Variants in UBE2E2 observed in about 807,000 individuals in gnomAD.
UBE2E2 encodes the protein ubiquitin-conjugating enzyme E2 E2.
In UBE2E2, 6 loss-of-function variants were observed where a neutral mutation model predicts 24.7. The ratio of observed to expected loss-of-function variants is 0.24; its 90% CI spans 0.13 to 0.48. The LOEUF (loss-of-function observed/expected upper bound fraction) is 0.48, where lower values mean the gene tolerates loss of function less well. Ranked by LOEUF, UBE2E2 falls within the 20% of genes least tolerant of loss-of-function variation. The pLI, the probability that UBE2E2 is intolerant of heterozygous loss-of-function variation, is 0.99. For synonymous variants in UBE2E2, 104 were observed against 83.6 expected (o/e 1.24, Z -1.33); for missense variants, 169 against 245.0 (o/e 0.69, Z 2.07).
chr3:23,347,200 T>G lies in UBE2E2; in HGVS notation c.227+129888T>G, dbSNP rs1695582331. ...ACATTTGACCCAGCCATCCCATTAC[T>G]GGGTGTATACCCAAAGGATTATAAA... is the stretch of plus-strand genomic sequence containing the variant. On this transcript the variant is annotated intron_variant, in intron 3 of 5. Coordinates refer to ENST00000396703, the MANE Select transcript of UBE2E2 (RefSeq NM_152653.4). 5.9e-5 allele frequency among the ~76,000 whole-genome samples: 9 copies of G among 152,358 alleles called. No homozygotes were observed. In the South Asian group the frequency reaches 1.9e-3, roughly 32 times the overall value.
intron 3 of UBE2E2, among the ~76,000 whole-genome samples, chr3:23,345,570 T>C (rs1389664755): frequency 1.3e-5 from 2 of 152,116 alleles, no homozygotes; most frequent in African/African-American, 2.4e-5. Context: ...CTTAACACAA[T>C]AGCATTGACA....
chr3:23,310,862 G>T (rs1448265818), intron 3 of UBE2E2, among the ~76,000 whole-genome samples: 1 of 152,044 alleles, frequency 6.6e-6, no homozygotes, highest in African/African-American at 2.4e-5. Flanking sequence ...TGTGTAGCAT[G>T]ATTTTTTTTT....
At chr3:23,472,327 A>G (rs190669182) in intron 3 of UBE2E2, among the ~76,000 whole-genome samples, 2 of 152,364 alleles carry the variant, frequency 1.3e-5, no homozygotes, top group Non-Finnish European at 2.9e-5. Context: ...TCAGACAACC[A>G]AAATGAAAAA....
chr3:23,300,226 A>ACT (rs1699032654), intron 3 of UBE2E2, among the ~76,000 whole-genome samples: 1 of 151,706 alleles, frequency 6.6e-6, no homozygotes, highest in Non-Finnish European at 1.5e-5. Context: ...GTGGGTCTTG[A>ACT]CTCTTTATCC....
At chr3:23,571,842 GGGGA>G (rs1696240040) in intron 5 of UBE2E2, among the ~76,000 whole-genome samples, 1 of 152,202 alleles carries the variant, frequency 6.6e-6, no homozygotes. Context: ...ATCTTTTGGA[GGGGA>G]GGGTGTGGAG....
At chr3:23,553,312 TA>T (rs76300474) in intron 5 of UBE2E2, among the ~76,000 whole-genome samples, 32,382 of 148,492 alleles carry the variant, frequency 0.22, 3,577 homozygotes, top group Middle Eastern at 0.26. Context: ...TTATGACCTC[TA>T]AAAAAAAAAA....
intron 3 of UBE2E2, among the ~76,000 whole-genome samples, chr3:23,384,784 G>A (rs1293830902): frequency 2.0e-5 from 3 of 151,350 alleles, no homozygotes; most frequent in Non-Finnish European, 4.4e-5. Context: ...CTCGTGATCC[G>A]CCCACCTCGG....
intron 3 of UBE2E2, among the ~76,000 whole-genome samples, chr3:23,449,284 C>T (rs1399944929): frequency 6.6e-6 from 1 of 152,182 alleles, no homozygotes; most frequent in Non-Finnish European, 1.5e-5. Context: ...CAACAGACTG[C>T]TTACATGGAT....
intron 3 of UBE2E2, among the ~76,000 whole-genome samples, chr3:23,300,055 T>C (rs1394122011): frequency 7.7e-6 from 1 of 130,566 alleles, no homozygotes; most frequent in Non-Finnish European, 1.8e-5. Context: ...TCTTTGTCTC[T>C]TTTGATCTTT....
intron 3 of UBE2E2, among the ~76,000 whole-genome samples, chr3:23,400,607 A>AACACAC (rs3087043): frequency 0.054 from 7,464 of 137,792 alleles, 367 homozygotes; most frequent in African/African-American, 0.13. Context: ...GAATAAATGA[A>AACACAC]ACACACACAC....
intron 3 of UBE2E2, among the ~76,000 whole-genome samples, chr3:23,427,404 TA>T (rs532155261): frequency 1.3e-5 from 2 of 151,456 alleles, no homozygotes; most frequent in Non-Finnish European, 2.9e-5. Context: ...CTCTCCAACC[TA>T]AAAAAAAGTA....
intron 3 of UBE2E2, among the ~76,000 whole-genome samples, chr3:23,237,706 T>C (rs1045101372): frequency 6.6e-6 from 1 of 152,212 alleles, no homozygotes; most frequent in Non-Finnish European, 1.5e-5. Flanking sequence ...TGAGGCACTT[T>C]TGCTTCATTC....
intron 3 of UBE2E2, among the ~76,000 whole-genome samples, chr3:23,251,775 G>C (rs774051068): frequency 2.6e-5 from 4 of 151,812 alleles, no homozygotes; most frequent in Non-Finnish European, 4.4e-5. Flanking sequence ...AATCTCTCTC[G>C]ACTATTTATG....
At chr3:23,319,517 C>G (rs538714250) in intron 3 of UBE2E2, among the ~76,000 whole-genome samples, 3 of 152,082 alleles carry the variant, frequency 2.0e-5, no homozygotes, top group African/African-American at 7.2e-5. Context: ...TTAATTCTTA[C>G]AACAATCCTG....
chr3:23,286,692 C>G (rs538676966), intron 3 of UBE2E2, among the ~76,000 whole-genome samples: 1 of 152,014 alleles, frequency 6.6e-6, no homozygotes, highest in Admixed American at 6.5e-5. Context: ...TGGAGAATGT[C>G]GTTGGTATTT....
chr3:23,333,551 A>G (rs1271785510), intron 3 of UBE2E2, among the ~76,000 whole-genome samples: 5 of 152,024 alleles, frequency 3.3e-5, no homozygotes, highest in Non-Finnish European at 7.4e-5. Context: ...TGCCTATTTG[A>G]CTCAGTTTTT....
intron 3 of UBE2E2, among the ~76,000 whole-genome samples, chr3:23,477,560 A>G (rs181433148): frequency 1.4e-4 from 22 of 152,348 alleles, no homozygotes; most frequent in African/African-American, 5.1e-4. Flanking sequence ...CAGCACATAG[A>G]ACAGTGCCAA....
chr3:23,364,379 C>A (rs201560329), intron 3 of UBE2E2, among the ~76,000 whole-genome samples: 5 of 151,644 alleles, frequency 3.3e-5, no homozygotes, highest in Non-Finnish European at 5.9e-5. Flanking sequence ...ATGCCACTAG[C>A]GAGACTAATA....
intron 3 of UBE2E2, among the ~76,000 whole-genome samples, chr3:23,251,470 A>G (rs938385354): frequency 6.6e-6 from 1 of 152,336 alleles, no homozygotes; most frequent in Admixed American, 6.5e-5. Flanking sequence ...CTCAGTTGTC[A>G]GAAAGTTAAA....
Sources: allele counts gnomAD v4.1 joint callset (sites outside exome capture counted in the v4.1 genomes callset), GRCh38; gene constraint gnomAD v4.1.1; transcripts MANE v1.5; gene names NCBI Gene and HGNC (gene_info 2026-07-23, HGNC 2026-07-21).